Variants in HAPSTR1 observed in about 807,000 individuals in gnomAD.
The protein encoded by HAPSTR1 is HUWE1 associated protein modifying stress responses.
chr16:9,092,579 C>T, the HAPSTR1 span, among the ~76,000 whole-genome samples: 4 of 152,150 alleles, frequency 2.6e-5, no homozygotes, highest in Non-Finnish European at 5.9e-5. Context: ...GGAGGAGCCC[C>T]CGTCACAAAA....
chr16:9,119,438 C>T, the HAPSTR1 span: 2 of 152,218 alleles, frequency 1.3e-5, no homozygotes, highest in African/African-American at 4.8e-5. Context: ...AAGCCAGATT[C>T]TCTGATTCTT....
the HAPSTR1 span, chr16:9,116,897 C>G: frequency 1.2e-5 from 19 of 1,614,034 alleles, no homozygotes; most frequent in Admixed American, 3.2e-4. Flanking sequence ...CCCATAAACG[C>G]AACAGAATGA....
the HAPSTR1 span, among the ~76,000 whole-genome samples, chr16:9,092,531 C>T: frequency 2.6e-5 from 4 of 152,168 alleles, no homozygotes; most frequent in Admixed American, 6.5e-5. Flanking sequence ...TCTCCGGGCC[C>T]GGCCACCCGG....
At chr16:9,114,774 G>C in the HAPSTR1 span, among the ~76,000 whole-genome samples, 3 of 152,230 alleles carry the variant, frequency 2.0e-5, no homozygotes. Flanking sequence ...GGGAGTGCCA[G>C]CTCTTGTTTA....
the HAPSTR1 span, chr16:9,119,918 A>G: frequency 1.3e-5 from 2 of 152,262 alleles, no homozygotes; most frequent in Non-Finnish European, 2.9e-5. Flanking sequence ...GGGATGGCCA[A>G]CATCCAACCC....
At chr16:9,098,055 G>A in the HAPSTR1 span, among the ~76,000 whole-genome samples, 1 of 152,232 alleles carries the variant, frequency 6.6e-6, no homozygotes, top group African/African-American at 2.4e-5. Flanking sequence ...CCCAGGGCTG[G>A]GGCGGGGGCT....
chr16:9,109,136 C>G, the HAPSTR1 span: 2 of 152,166 alleles, frequency 1.3e-5, no homozygotes, highest in African/African-American at 2.4e-5. Flanking sequence ...ATTACTCTTG[C>G]TAAGATCTTG....
At chr16:9,094,429 G>T in the HAPSTR1 span, among the ~76,000 whole-genome samples, 8 of 152,086 alleles carry the variant, frequency 5.3e-5, no homozygotes, top group East Asian at 7.7e-4. Flanking sequence ...TTAAAAAAAA[G>T]GTTTCTGGGA....
At chr16:9,091,990 C>T in the HAPSTR1 span, 1 of 1,378,380 alleles carries the variant, frequency 7.3e-7, no homozygotes. Context: ...CGCGGGGGCC[C>T]CGCCTGAGGA....
the HAPSTR1 span, chr16:9,112,815 C>T: frequency 1.3e-5 from 2 of 152,110 alleles, no homozygotes; most frequent in African/African-American, 2.4e-5. Context: ...CTTTTCTACC[C>T]CTGGACTAAT....
chr16:9,118,118 G>GTTTCATC, the HAPSTR1 span: 1 of 152,500 alleles, frequency 6.6e-6, no homozygotes, highest in Non-Finnish European at 1.5e-5. Context: ...TTTAGAGCAT[G>GTTTCATC]TTTCATCTTC....
chr16:9,115,770 C>T, the HAPSTR1 span, among the ~76,000 whole-genome samples: 24 of 152,212 alleles, frequency 1.6e-4, no homozygotes, highest in Middle Eastern at 6.8e-3. Flanking sequence ...CCTGCCACCA[C>T]GCCGGGCTAA....
At chr16:9,092,110 C>A in the HAPSTR1 span, 8 of 1,549,342 alleles carry the variant, frequency 5.2e-6, no homozygotes, top group Non-Finnish European at 6.1e-6. Context: ...ACTGGTTCTC[C>A]AAGTGGGAGC....
At chr16:9,094,420 T>TA in the HAPSTR1 span, among the ~76,000 whole-genome samples, 40 of 151,534 alleles carry the variant, frequency 2.6e-4, 1 homozygote, top group African/African-American at 4.8e-4. Context: ...AATACTTAAT[T>TA]AAAAAAAAGG....
the HAPSTR1 span, chr16:9,116,924 T>C: frequency 6.2e-7 from 1 of 1,612,120 alleles, no homozygotes; most frequent in Non-Finnish European, 8.5e-7. Flanking sequence ...CTGCAAACAT[T>C]TTCACACCCA....
the HAPSTR1 span, chr16:9,119,783 G>C: frequency 1.3e-5 from 2 of 152,166 alleles, no homozygotes; most frequent in African/African-American, 4.8e-5. Context: ...TTTTAAAAAA[G>C]AATTAGCTTT....
chr16:9,118,737 T>C, the HAPSTR1 span: 1 of 152,564 alleles, frequency 6.6e-6, no homozygotes, highest in Non-Finnish European at 1.5e-5. Flanking sequence ...CCTTTGTTTT[T>C]CTATCGTAAA....
the HAPSTR1 span, among the ~76,000 whole-genome samples, chr16:9,095,419 C>G: frequency 6.6e-6 from 1 of 152,044 alleles, no homozygotes; most frequent in African/African-American, 2.4e-5. Context: ...GGTTATAGTT[C>G]TGATTAAATA....
the HAPSTR1 span, among the ~76,000 whole-genome samples, chr16:9,114,907 A>G: frequency 6.6e-6 from 1 of 152,190 alleles, no homozygotes; most frequent in South Asian, 2.1e-4. Context: ...TTCTCATGTT[A>G]ATGCTTCTAT....
Sources: allele counts gnomAD v4.1 joint callset (sites outside exome capture counted in the v4.1 genomes callset), GRCh38; gene constraint gnomAD v4.1.1; transcripts MANE v1.5; gene names NCBI Gene and HGNC (gene_info 2026-07-23, HGNC 2026-07-21).